The following PALM2AKAP2 variants were observed in gnomAD, a reference collection of about 807,000 sequenced individuals.
PALM2AKAP2 encodes the protein PALM2-AKAP2 fusion protein.
PALM2AKAP2 carries 37 observed loss-of-function variants against 71.5 expected under a neutral mutation model. The ratio of observed to expected loss-of-function variants is 0.52; its 90% CI spans 0.40 to 0.68. The LOEUF is 0.68. PALM2AKAP2 is among the 30% of genes least tolerant of loss of function. PALM2AKAP2 has a pLI of 0.00. For missense variants in PALM2AKAP2, 1,224 were observed against 1,191.8 expected, an observed-to-expected ratio of 1.03 and a Z score of -0.40; for synonymous variants, 468 against 478.8, an observed-to-expected ratio of 0.98 and a Z score of 0.29.
At chr9:109,764,671 C>T (rs533344453) in intron 1 of PALM2AKAP2, among the ~76,000 whole-genome samples, 10 of 152,202 alleles carry the variant, frequency 6.6e-5, no homozygotes, top group Admixed American at 2.6e-4. Flanking sequence ...CTCACCGATG[C>T]CAGTGCAGTA....
At chr9:109,642,150 A>G (rs1367375915) in intron 1 of PALM2AKAP2, among the ~76,000 whole-genome samples, 1 of 152,112 alleles carries the variant, frequency 6.6e-6, no homozygotes, top group Non-Finnish European at 1.5e-5. Context: ...TAAGATATGT[A>G]CAAATTTAAG....
At chr9:110,067,804 A>G (rs1240871840) in intron 1 of PALM2AKAP2, among the ~76,000 whole-genome samples, 2 of 152,324 alleles carry the variant, frequency 1.3e-5, no homozygotes, top group East Asian at 3.9e-4. Flanking sequence ...CTGATCAACA[A>G]TTTCCTTTAT....
At chr9:109,707,753 T>A (rs1361463168) in intron 1 of PALM2AKAP2, among the ~76,000 whole-genome samples, 1 of 152,212 alleles carries the variant, frequency 6.6e-6, no homozygotes, top group Non-Finnish European at 1.5e-5. Flanking sequence ...TCCTGTTTGA[T>A]ACAGTCAGCA....
chr9:109,999,665 G>T, intron 6 of PALM2AKAP2, among the ~76,000 whole-genome samples: 1 of 152,248 alleles, frequency 6.6e-6, no homozygotes, highest in East Asian at 1.9e-4. Flanking sequence ...CTGCCCACAG[G>T]TGCTTTGCGT....
intron 1 of PALM2AKAP2, among the ~76,000 whole-genome samples, chr9:109,815,669 G>C (rs1827833734): frequency 6.6e-6 from 1 of 152,188 alleles, no homozygotes; most frequent in African/African-American, 2.4e-5. Flanking sequence ...AAGGTAACTG[G>C]TGGCCCTCAC....
chr9:109,773,601 G>T (rs1158781489), intron 1 of PALM2AKAP2, among the ~76,000 whole-genome samples: 1 of 152,294 alleles, frequency 6.6e-6, no homozygotes, highest in East Asian at 1.9e-4. Context: ...AATGGGACTA[G>T]TTAGCTATCC....
chr9:109,669,362 A>G (rs1827540163), intron 1 of PALM2AKAP2, among the ~76,000 whole-genome samples: 1 of 151,684 alleles, frequency 6.6e-6, no homozygotes, highest in Non-Finnish European at 1.5e-5. Flanking sequence ...ATATTCTGTC[A>G]GGCTTCTTTA....
At chr9:109,813,504 G>A (rs146488741) in intron 1 of PALM2AKAP2, among the ~76,000 whole-genome samples, 103 of 151,614 alleles carry the variant, frequency 6.8e-4, no homozygotes, top group African/African-American at 2.3e-3. Flanking sequence ...ACACCATGAC[G>A]TCAGCATTTT....
intron 2 of PALM2AKAP2, among the ~76,000 whole-genome samples, chr9:110,146,758 T>C (rs4978874): frequency 0.51 from 77,638 of 151,868 alleles, 20,225 homozygotes; most frequent in East Asian, 0.78. Flanking sequence ...TACATACTTA[T>C]GGGGTGGAAG....
intron 1 of PALM2AKAP2, among the ~76,000 whole-genome samples, chr9:109,806,371 G>T (rs1827572723): frequency 6.6e-6 from 1 of 152,122 alleles, no homozygotes; most frequent in African/African-American, 2.4e-5. Context: ...AATATTTTTT[G>T]AACATTTTCT....
At chr9:110,102,998 C>T (rs1046028975) in intron 1 of PALM2AKAP2, among the ~76,000 whole-genome samples, 3 of 152,228 alleles carry the variant, frequency 2.0e-5, no homozygotes, top group African/African-American at 7.2e-5. Context: ...CTCAGGGTTT[C>T]TGCATGCTGG....
intron 6 of PALM2AKAP2, among the ~76,000 whole-genome samples, chr9:109,960,417 C>A (rs954549160): frequency 6.6e-6 from 1 of 152,198 alleles, no homozygotes; most frequent in South Asian, 2.1e-4. Context: ...CCTTTGATCT[C>A]TGAAGTAGTT....
intron 3 of PALM2AKAP2, among the ~76,000 whole-genome samples, chr9:110,158,263 G>A (rs1023009601): frequency 6.6e-6 from 1 of 152,202 alleles, no homozygotes; most frequent in Admixed American, 6.5e-5. Flanking sequence ...GGTGCTCTAG[G>A]TGTCTGGTTT....
intron 3 of PALM2AKAP2, among the ~76,000 whole-genome samples, chr9:109,910,439 T>C (rs923678839): frequency 1.3e-5 from 2 of 152,198 alleles, no homozygotes; most frequent in African/African-American, 4.8e-5. Context: ...AGCATGAGGC[T>C]GGACATGAGT....
chr9:110,084,528 C>G (rs1267516446), intron 1 of PALM2AKAP2, among the ~76,000 whole-genome samples: 2 of 152,098 alleles, frequency 1.3e-5, no homozygotes, highest in Non-Finnish European at 2.9e-5. Flanking sequence ...CAGGAGCTTC[C>G]TCAGATACCC....
At chr9:110,090,976 A>G (rs189073399) in intron 1 of PALM2AKAP2, among the ~76,000 whole-genome samples, 124 of 148,556 alleles carry the variant, frequency 8.3e-4, no homozygotes, top group African/African-American at 3.0e-3. Flanking sequence ...TTTTTTTTGC[A>G]TTGACCTTGA....
chr9:110,012,717 A>G (rs938942583), intron 6 of PALM2AKAP2, among the ~76,000 whole-genome samples: 1 of 152,224 alleles, frequency 6.6e-6, no homozygotes, highest in Non-Finnish European at 1.5e-5. Flanking sequence ...GAAGACTAAA[A>G]TATTGAGACA....
intron 1 of PALM2AKAP2, among the ~76,000 whole-genome samples, chr9:109,721,009 A>G (rs1212934652): frequency 6.6e-6 from 1 of 152,216 alleles, no homozygotes; most frequent in Non-Finnish European, 1.5e-5. Context: ...CAGAATGTAG[A>G]CAGGCTCTGT....
chr9:110,012,562 T>C (rs1030943779), intron 6 of PALM2AKAP2, among the ~76,000 whole-genome samples: 3 of 144,138 alleles, frequency 2.1e-5, no homozygotes, highest in Non-Finnish European at 4.7e-5. Context: ...TACAAACTTA[T>C]CATCAGGATT....
Sources: allele counts gnomAD v4.1 joint callset (sites outside exome capture counted in the v4.1 genomes callset), GRCh38; gene constraint gnomAD v4.1.1; transcripts MANE v1.5; gene names NCBI Gene and HGNC (gene_info 2026-07-23, HGNC 2026-07-21).